BTBD9: variants seen among roughly 807,000 people sequenced by gnomAD.
The protein encoded by BTBD9 is BTB/POZ domain-containing protein 9.
BTBD9 carries 49 observed loss-of-function variants against 64.3 expected under a neutral mutation model. That is an observed-to-expected ratio of 0.76 (90% CI 0.61 to 0.97). BTBD9 has a LOEUF of 0.97. Ranked by LOEUF, BTBD9 falls within the 50% of genes least tolerant of loss-of-function variation. The pLI, the probability that BTBD9 is intolerant of heterozygous loss-of-function variation, is 0.00. For synonymous variants in BTBD9, 260 were observed against 274.7 expected (o/e 0.95, Z 0.53); for missense variants, 598 against 762.1 (o/e 0.78, Z 2.53).
chr6:38,393,529 G>A (rs1415878690), intron 6 of BTBD9, among the ~76,000 whole-genome samples: 2 of 151,186 alleles, frequency 1.3e-5, no homozygotes, highest in African/African-American at 2.4e-5. Context: ...AAAAATCTAC[G>A]AAAAACTTCT....
intron 6 of BTBD9, among the ~76,000 whole-genome samples, chr6:38,490,446 G>A (rs1355231067): frequency 2.0e-5 from 3 of 152,124 alleles, no homozygotes; most frequent in Admixed American, 1.3e-4. Flanking sequence ...TCAGTCTCCC[G>A]AGTAGCTGGG....
intron 9 of BTBD9, among the ~76,000 whole-genome samples, chr6:38,229,541 T>G (rs150183259): frequency 1.4e-3 from 212 of 152,302 alleles, no homozygotes; most frequent in African/African-American, 4.8e-3. Flanking sequence ...AGGCGTGTCT[T>G]GACCAACACA....
chr6:38,348,577 G>A (rs1332374468), intron 6 of BTBD9, among the ~76,000 whole-genome samples: 3 of 152,240 alleles, frequency 2.0e-5, no homozygotes, highest in East Asian at 3.9e-4. Context: ...GAGGATGAAC[G>A]CTGTCCACGT....
chr6:38,515,996 T>C (rs1210625568), intron 6 of BTBD9, among the ~76,000 whole-genome samples: 3 of 152,226 alleles, frequency 2.0e-5, no homozygotes, highest in African/African-American at 7.2e-5. Context: ...ATGTGTAAAT[T>C]ATACATTGTA....
At chr6:38,528,552 A>T (rs1378124825) in intron 6 of BTBD9, among the ~76,000 whole-genome samples, 1 of 152,154 alleles carries the variant, frequency 6.6e-6, no homozygotes, top group East Asian at 1.9e-4. Flanking sequence ...GAGGAGAAGG[A>T]AGAGTATTTT....
chr6:38,256,047 A>G (rs1561933649), intron 9 of BTBD9, among the ~76,000 whole-genome samples: 1 of 151,208 alleles, frequency 6.6e-6, no homozygotes, highest in African/African-American at 2.4e-5. Flanking sequence ...GTGCACATGT[A>G]CCCTAGAACT....
At chr6:38,542,012 C>A (rs373812346) in intron 6 of BTBD9, among the ~76,000 whole-genome samples, 2 of 152,092 alleles carry the variant, frequency 1.3e-5, no homozygotes, top group Non-Finnish European at 2.9e-5. Context: ...AGAGAATATA[C>A]AGGGAGGAGA....
intron 10 of BTBD9, among the ~76,000 whole-genome samples, chr6:38,189,642 C>A (rs1761965709): frequency 6.6e-6 from 1 of 151,662 alleles, no homozygotes; most frequent in African/African-American, 2.4e-5. Flanking sequence ...AGGTGCACAC[C>A]ACCGTGTCTG....
At chr6:38,447,202 ACT>A (rs1482859908) in intron 6 of BTBD9, among the ~76,000 whole-genome samples, 2 of 152,148 alleles carry the variant, frequency 1.3e-5, no homozygotes, top group African/African-American at 2.4e-5. Flanking sequence ...CAGAGTGAAG[ACT>A]CAAAAAAATC....
intron 7 of BTBD9, among the ~76,000 whole-genome samples, chr6:38,321,932 T>C (rs2127576481): frequency 6.6e-6 from 1 of 151,874 alleles, no homozygotes; most frequent in East Asian, 1.9e-4. Context: ...ATCCCAGTCT[T>C]CCCACTGGGT....
intron 6 of BTBD9, among the ~76,000 whole-genome samples, chr6:38,573,468 C>T (rs990379226): frequency 2.0e-5 from 3 of 152,274 alleles, no homozygotes; most frequent in African/African-American, 7.2e-5. Context: ...TCTCAACACC[C>T]TGTCTGGCCT....
At chr6:38,210,536 T>TTG (rs71542165) in intron 9 of BTBD9, among the ~76,000 whole-genome samples, 6,053 of 146,358 alleles carry the variant, frequency 0.041, 129 homozygotes, top group Middle Eastern at 0.1. Flanking sequence ...GTGCGTGTGT[T>TTG]TGTGTGTGTG....
chr6:38,318,762 C>G (rs4714145), intron 7 of BTBD9, among the ~76,000 whole-genome samples: 9,072 of 152,248 alleles, frequency 0.06, 753 homozygotes, highest in East Asian at 0.37. Flanking sequence ...ACTGTAACCA[C>G]TACCTAGCTA....
At chr6:38,600,432 G>A (rs976495070) in intron 1 of BTBD9, among the ~76,000 whole-genome samples, 1 of 152,048 alleles carries the variant, frequency 6.6e-6, no homozygotes, top group Non-Finnish European at 1.5e-5. Context: ...TTTTTTGTTT[G>A]TTTGTTTCTT....
At chr6:38,275,424 G>A (rs1401555072) in intron 8 of BTBD9, among the ~76,000 whole-genome samples, 2 of 152,106 alleles carry the variant, frequency 1.3e-5, no homozygotes. Context: ...ATACCATTCA[G>A]GACATAGGCA....
intron 6 of BTBD9, among the ~76,000 whole-genome samples, chr6:38,543,016 A>G (rs1293757790): frequency 1.3e-5 from 2 of 152,194 alleles, no homozygotes; most frequent in African/African-American, 2.4e-5. Flanking sequence ...ATAAAAATCT[A>G]AACTCTTACC....
intron 6 of BTBD9, among the ~76,000 whole-genome samples, chr6:38,465,403 G>T (rs979952840): frequency 6.7e-6 from 1 of 148,426 alleles, no homozygotes; most frequent in South Asian, 2.1e-4. Flanking sequence ...AGATCACGAG[G>T]TCAGGAAATC....
At chr6:38,466,602 T>C (rs1685653117) in intron 6 of BTBD9, among the ~76,000 whole-genome samples, 5 of 152,090 alleles carry the variant, frequency 3.3e-5, no homozygotes, top group Admixed American at 3.3e-4. Flanking sequence ...CCCTTTTTCC[T>C]TCTTAAAGAA....
At chr6:38,626,808 G>A (rs1778184494) in intron 1 of BTBD9, among the ~76,000 whole-genome samples, 1 of 152,138 alleles carries the variant, frequency 6.6e-6, no homozygotes, top group Non-Finnish European at 1.5e-5. Context: ...AAACAAGTGA[G>A]GAATTAAATG....
Sources: gnomAD v4.1 joint callset for allele counts (sites outside exome capture counted in the v4.1 genomes callset) on GRCh38, gnomAD v4.1.1 for gene constraint, MANE v1.5 for transcripts, NCBI Gene and HGNC (gene_info 2026-07-23, HGNC 2026-07-21) for gene names.